Variants in BRF1 observed in about 807,000 individuals in gnomAD.
The protein encoded by BRF1 is BRF1 general transcription factor IIIB subunit, also known as transcription factor IIIB 90 kDa subunit.
In BRF1, 59 loss-of-function variants were observed where a neutral mutation model predicts 81.7. That is an observed-to-expected ratio of 0.72 (90% CI 0.59 to 0.90). BRF1 has a LOEUF of 0.90. BRF1 is among the 40% of genes least tolerant of loss of function. BRF1 has a pLI of 0.00. For synonymous variants in BRF1, 491 were observed against 395.6 expected, an observed-to-expected ratio of 1.24 and a Z score of -2.86; for missense variants, 1,050 against 936.3, an observed-to-expected ratio of 1.12 and a Z score of -1.58.
rs1300328894 is a variant in BRF1, at chr14:105,211,628, G to T, written c.1825-335C>A. On this transcript the variant is annotated intron_variant, in intron 16 of 17. Transcript: ENST00000547530. Reference sequence around the variant, plus strand: ...GGACACTGTGGCCTCAGCCCCCGGGGGCTTGGCCTGCCCTGACCCCCAGAA... The same window carrying T: ...GGACACTGTGGCCTCAGCCCCCGGGTGCTTGGCCTGCCCTGACCCCCAGAA... 3.8e-5 allele frequency: 14 copies of T among 363,908 alleles called. No homozygotes were observed. In the East Asian group the frequency reaches 6.0e-4, roughly 16 times the overall value. 22.5% of individuals were successfully genotyped at this position (363,908 alleles called of 1,614,324 possible).
At chr14:105,219,983 C>A in intron 12 of BRF1, 86 bp downstream of exon 12, 1 of 1,532,432 alleles carries the variant, frequency 6.5e-7, no homozygotes, top group Non-Finnish European at 8.9e-7. Context: ...GGGGAGGTGG[C>A]CAACCCCGCC....
At chr14:105,290,588 C>T (rs1225790979) in intron 1 of BRF1, among the ~76,000 whole-genome samples, 1 of 152,084 alleles carries the variant, frequency 6.6e-6, no homozygotes, top group South Asian at 2.1e-4. Flanking sequence ...GTGATGATTT[C>T]GATTCTGGTT....
chr14:105,221,946 C>T, intron 10 of BRF1, 32 bp from the exon 11 acceptor site: 1 of 1,536,744 alleles, frequency 6.5e-7, no homozygotes, highest in Admixed American at 2.3e-5. Context: ...GTTAACCAGG[C>T]AGAGGGCCAG....
chr14:105,220,344 C>G (rs1012958384), intron 11 of BRF1, among the ~76,000 whole-genome samples: 9 of 152,206 alleles, frequency 5.9e-5, no homozygotes, highest in African/African-American at 2.2e-4. Context: ...CAGCAGAACA[C>G]TGAACTGAAG....
chr14:105,248,211 T>TCTGAAC, intron 5 of BRF1: 1 of 985,456 alleles, frequency 1.0e-6, no homozygotes, highest in Non-Finnish European at 1.2e-6. Flanking sequence ...TCGCGAAGCA[T>TCTGAAC]CTGAACGAAC....
chr14:105,291,083 T>C (rs1378270813), intron 1 of BRF1, among the ~76,000 whole-genome samples: 2 of 152,188 alleles, frequency 1.3e-5, no homozygotes, highest in African/African-American at 4.8e-5. Flanking sequence ...TATGTGCTAG[T>C]TCCCGTTAGC....
intron 15 of BRF1, among the ~76,000 whole-genome samples, chr14:105,216,271 G>C (rs201505638): frequency 1.3e-5 from 2 of 152,292 alleles, no homozygotes; most frequent in East Asian, 3.9e-4. Flanking sequence ...CACCCAACTG[G>C]GACAGGACCC....
intron 3 of BRF1, among the ~76,000 whole-genome samples, chr14:105,261,939 C>A (rs3825758): frequency 2.6e-5 from 4 of 152,040 alleles, no homozygotes; most frequent in Admixed American, 6.5e-5. Flanking sequence ...TTCTGCAGGC[C>A]CCCCCTGCTC....
chr14:105,301,841 A>G (rs2058040752), upstream of BRF1, among the ~76,000 whole-genome samples: 1 of 152,216 alleles, frequency 6.6e-6, no homozygotes, highest in African/African-American at 2.4e-5. Context: ...GAATGAGCCT[A>G]AAAAGAAATG....
chr14:105,293,123 C>T (rs587602747), intron 1 of BRF1, among the ~76,000 whole-genome samples: 2 of 152,294 alleles, frequency 1.3e-5, no homozygotes, highest in African/African-American at 4.8e-5. Flanking sequence ...AGCCTTCCAC[C>T]CTCAGGACTA....
At chr14:105,211,622 C>G (rs1890127467) in intron 16 of BRF1, 1 of 381,794 alleles carries the variant, frequency 2.6e-6, no homozygotes, top group Non-Finnish European at 4.8e-6. Context: ...GGCCTCAGCC[C>G]CCGGGGGCTT....
intron 6 of BRF1, 114 bp from the exon 7 acceptor site, chr14:105,229,027 C>T (rs77453682): frequency 0.048 from 44,399 of 934,444 alleles, 1,268 homozygotes; most frequent in Non-Finnish European, 0.06. Context: ...CCTGAGAAGA[C>T]GTGTCTGTGC....
At chr14:105,255,732 G>C (rs1478394518) in intron 4 of BRF1, among the ~76,000 whole-genome samples, 1 of 152,228 alleles carries the variant, frequency 6.6e-6, no homozygotes, top group Non-Finnish European at 1.5e-5. Flanking sequence ...ACTTTGTTCA[G>C]TCATGTGGAA....
chr14:105,248,542 C>T (rs2055292500), intron 5 of BRF1: 2 of 892,250 alleles, frequency 2.2e-6, no homozygotes, highest in South Asian at 5.3e-5. Context: ...CGCAGCGTGA[C>T]GCACCGGCGC....
At chr14:105,248,865 G>C in intron 5 of BRF1, 1 of 989,922 alleles carries the variant, frequency 1.0e-6, no homozygotes, top group African/African-American at 1.8e-5. Flanking sequence ...CGCCCCGCCC[G>C]CGAAGATGGC....
chr14:105,221,536 C>T (rs1277761724), intron 11 of BRF1, 112 bp downstream of exon 11: 1 of 1,445,076 alleles, frequency 6.9e-7, no homozygotes, highest in Non-Finnish European at 9.2e-7. Context: ...CCGCCCGAGA[C>T]CACCACACCT....
intron 15 of BRF1, among the ~76,000 whole-genome samples, chr14:105,214,026 C>G (rs1890607660): frequency 6.6e-6 from 1 of 152,234 alleles, no homozygotes; most frequent in Non-Finnish European, 1.5e-5. Flanking sequence ...CAGCCAGGGG[C>G]CTGAGGATGT....
At chr14:105,314,322 C>G (rs1224001366) in intron 1 of BRF1, 2 of 151,680 alleles carry the variant, frequency 1.3e-5, no homozygotes, top group African/African-American at 2.4e-5. Flanking sequence ...GGGAAAGTGT[C>G]GAGGCCGGGG....
At chr14:105,289,118 A>AG (rs1566868478) in intron 1 of BRF1, among the ~76,000 whole-genome samples, 1 of 151,826 alleles carries the variant, frequency 6.6e-6, no homozygotes, top group African/African-American at 2.4e-5. Flanking sequence ...AGGCTGAGGC[A>AG]GGAAGACTGC....
Sources: allele counts gnomAD v4.1 joint callset (sites outside exome capture counted in the v4.1 genomes callset), GRCh38; gene constraint gnomAD v4.1.1; transcripts MANE v1.5; gene names NCBI Gene and HGNC (gene_info 2026-07-23, HGNC 2026-07-21).